Variants in SPAG16 observed in about 807,000 individuals in gnomAD.
The protein encoded by SPAG16 is sperm associated antigen 16, also known as sperm-associated antigen 16 protein.
A neutral mutation model predicts 80.4 loss-of-function variants in SPAG16; 86 were observed. That is an observed-to-expected ratio of 1.07 (90% confidence interval 0.90 to 1.28). The LOEUF (loss-of-function observed/expected upper bound fraction) is 1.28. SPAG16 is among the 50% of genes most tolerant of loss of function. SPAG16 has a pLI of 0.00. For synonymous variants in SPAG16, 294 were observed against 265.9 expected (o/e 1.11, Z -1.03); for missense variants, 870 against 765.3 (o/e 1.14, Z -1.61).
chr2:213,498,702 C>T (rs920285638), intron 10 of SPAG16, among the ~76,000 whole-genome samples: 3 of 152,090 alleles, frequency 2.0e-5, no homozygotes, highest in Non-Finnish European at 4.4e-5. Flanking sequence ...TCATTTTCCT[C>T]ATCTTCATGC....
chr2:214,318,868 G>C (rs970862725), intron 15 of SPAG16, among the ~76,000 whole-genome samples: 2 of 152,064 alleles, frequency 1.3e-5, no homozygotes, highest in African/African-American at 4.8e-5. Flanking sequence ...GCCAGAACCC[G>C]AGCTGAAGTA....
intron 12 of SPAG16, among the ~76,000 whole-genome samples, chr2:213,962,857 T>A (rs893690550): frequency 3.3e-5 from 5 of 152,218 alleles, no homozygotes; most frequent in East Asian, 3.8e-4. Context: ...TTTAAAAAAA[T>A]TTCTGTAAGA....
chr2:214,141,409 A>T (rs930257969), intron 14 of SPAG16, among the ~76,000 whole-genome samples: 1 of 151,684 alleles, frequency 6.6e-6, no homozygotes, highest in Non-Finnish European at 1.5e-5. Context: ...AGAGGTTGCA[A>T]TGAGCCCAGA....
At chr2:213,641,707 T>A (rs13418359) in intron 10 of SPAG16, among the ~76,000 whole-genome samples, 3,871 of 152,292 alleles carry the variant, frequency 0.025, 162 homozygotes, top group African/African-American at 0.087. Flanking sequence ...ATTATTCTCT[T>A]GTGATCCTTA....
intron 14 of SPAG16, 87 bp from the exon 15 acceptor site, chr2:214,149,053 G>A (rs982485799): frequency 4.6e-5 from 13 of 282,420 alleles, no homozygotes; most frequent in Non-Finnish European, 6.2e-5. Flanking sequence ...GTGTGTGTGT[G>A]TATATATATA....
At chr2:213,822,706 G>C (rs192249145) in intron 10 of SPAG16, among the ~76,000 whole-genome samples, 1 of 151,890 alleles carries the variant, frequency 6.6e-6, no homozygotes, top group Admixed American at 6.6e-5. Context: ...CTATTGACCC[G>C]TCCTCTAAGT....
intron 10 of SPAG16, among the ~76,000 whole-genome samples, chr2:213,860,669 A>G (rs534812104): frequency 2.0e-3 from 298 of 151,988 alleles, no homozygotes; most frequent in African/African-American, 6.9e-3. Context: ...GTACTTCCAA[A>G]TCTGATTAGC....
intron 9 of SPAG16, among the ~76,000 whole-genome samples, chr2:213,465,691 A>G (rs761277334): frequency 2.0e-5 from 3 of 152,144 alleles, no homozygotes; most frequent in Non-Finnish European, 2.9e-5. Flanking sequence ...GTTCTTCCCC[A>G]TGATTAACTT....
At chr2:214,042,070 G>GTTTTCT (rs1213496189) in intron 13 of SPAG16, among the ~76,000 whole-genome samples, 11 of 145,132 alleles carry the variant, frequency 7.6e-5, no homozygotes, top group African/African-American at 2.8e-4. Context: ...TCAGCTGGAA[G>GTTTTCT]TTTTCTTTTT....
At chr2:213,693,266 C>T (rs1327069326) in intron 10 of SPAG16, among the ~76,000 whole-genome samples, 1 of 152,190 alleles carries the variant, frequency 6.6e-6, no homozygotes, top group Non-Finnish European at 1.5e-5. Context: ...GCCTAACTGC[C>T]AGGGTGCTTA....
chr2:213,909,013 G>A (rs2077545760), intron 11 of SPAG16, among the ~76,000 whole-genome samples: 1 of 151,316 alleles, frequency 6.6e-6, no homozygotes, highest in Non-Finnish European at 1.5e-5. Flanking sequence ...CTATGAGTGA[G>A]AACATGCGGT....
intron 10 of SPAG16, among the ~76,000 whole-genome samples, chr2:213,780,711 T>G (rs1186649048): frequency 3.3e-5 from 5 of 152,134 alleles, no homozygotes; most frequent in Admixed American, 6.5e-5. Context: ...TATGTACTAT[T>G]ACCTTTGTTT....
At chr2:214,033,426 G>C (rs1043614728) in intron 13 of SPAG16, among the ~76,000 whole-genome samples, 1 of 152,192 alleles carries the variant, frequency 6.6e-6, no homozygotes, top group African/African-American at 2.4e-5. Context: ...AAGAATTACT[G>C]TGGCTTTCTT....
At chr2:213,682,690 G>A (rs1407421798) in intron 10 of SPAG16, among the ~76,000 whole-genome samples, 1 of 152,056 alleles carries the variant, frequency 6.6e-6, no homozygotes, top group Non-Finnish European at 1.5e-5. Context: ...TCTGGTTGGA[G>A]TGGAGGTTAT....
intron 10 of SPAG16, among the ~76,000 whole-genome samples, chr2:213,586,656 T>C (rs1002326158): frequency 1.5e-4 from 23 of 152,368 alleles, no homozygotes; most frequent in African/African-American, 5.1e-4. Flanking sequence ...CATCTAAACA[T>C]GATCTAAATC....
chr2:214,186,226 C>A (rs1912210), intron 15 of SPAG16, among the ~76,000 whole-genome samples: 5 of 152,030 alleles, frequency 3.3e-5, no homozygotes. Flanking sequence ...ATAAGCTCCC[C>A]ACTGCCACAG....
chr2:213,945,900 C>T lies in SPAG16; in HGVS notation c.1400+15755C>T, dbSNP rs371035501. On this transcript the variant is annotated intron_variant, in intron 12 of 15. Coordinates refer to ENST00000331683, the MANE Select transcript of SPAG16 (RefSeq NM_024532.5). ...TAGCCCAAACTGACTAAGATAGCAACCGTTTTGCGAACAATACACCTTCTT... is the reference window on the plus strand; with the variant it reads ...TAGCCCAAACTGACTAAGATAGCAATCGTTTTGCGAACAATACACCTTCTT... 2.0e-5 allele frequency among the ~76,000 whole-genome samples: 3 copies of T among 152,156 alleles called. No homozygotes were observed. In the South Asian group the frequency reaches 6.2e-4, roughly 32 times the overall value.
intron 9 of SPAG16, among the ~76,000 whole-genome samples, chr2:213,488,806 G>T (rs534151150): frequency 2.0e-5 from 3 of 148,106 alleles, no homozygotes; most frequent in South Asian, 4.5e-4. Context: ...CGCCAGAGGC[G>T]GTGCTCACGT....
Position 214,274,594 on chromosome 2 carries a change from T to C in SPAG16, c.1720+125328T>C, listed in dbSNP as rs186242583. On this transcript the variant is annotated intron_variant, in intron 15 of 15. Coordinates refer to ENST00000331683, the MANE Select transcript of SPAG16 (RefSeq NM_024532.5). ...CATTGGTTCTGTTTATGTGATGGAG[T>C]ATGTTCAATGATTTGCATATGTTGA... Among the ~76,000 whole-genome samples the C allele has an allele frequency of 5.7e-4, 87 of 152,300 alleles. 2 individuals carry two copies. The highest frequency in any genetic ancestry group is 3.5e-3 in the Admixed American group (54 of 15,296).
Sources: gnomAD v4.1 joint callset for allele counts (sites outside exome capture counted in the v4.1 genomes callset) on GRCh38, gnomAD v4.1.1 for gene constraint, MANE v1.5 for transcripts, NCBI Gene and HGNC (gene_info 2026-07-23, HGNC 2026-07-21) for gene names.